Variants in GRID2 observed in about 807,000 individuals in gnomAD.
GRID2 encodes the protein glutamate receptor ionotropic, delta-2.
GRID2 carries 33 observed loss-of-function variants against 114.8 expected under a neutral mutation model. The observed-to-expected ratio is 0.29, with a 90% CI of 0.22 to 0.38. The LOEUF is 0.38. Ranked by LOEUF, GRID2 falls within the 10% of genes least tolerant of loss-of-function variation. The pLI is 1.00. For synonymous variants in GRID2, 505 were observed against 449.9 expected (o/e 1.12, Z -1.55); for missense variants, 1,184 against 1,257.7 (o/e 0.94, Z 0.89).
At chr4:93,344,020 C>A (rs1382197364) in intron 8 of GRID2, among the ~76,000 whole-genome samples, 1 of 151,964 alleles carries the variant, frequency 6.6e-6, no homozygotes, top group African/African-American at 2.4e-5. Flanking sequence ...AGAGCAGTAG[C>A]CATAACATTG....
At chr4:93,594,070 C>G (rs1050520242) in intron 13 of GRID2, among the ~76,000 whole-genome samples, 4 of 152,190 alleles carry the variant, frequency 2.6e-5, no homozygotes, top group Non-Finnish European at 5.9e-5. Flanking sequence ...AAGTCGTTCT[C>G]CGTCCAGCTT....
rs567111034 is a variant in GRID2 at position 93,554,877 on chromosome 4, G to A, written c.2193+39466G>A. Among the ~76,000 whole-genome samples the A allele has an allele frequency of 4.6e-3, 699 of 152,176 alleles. 3 individuals carry two copies. The highest frequency in any genetic ancestry group is 7.5e-3 in the Non-Finnish European group (507 of 68,004). ...TCCCAGCAAAATCAATGCAGAAGGC[G>A]GGTGACTTCTGCATTTCCAACTGAG... is the stretch of plus-strand genomic sequence containing the variant. On this transcript the variant is annotated intron_variant, in intron 13 of 15. Coordinates refer to ENST00000282020, the MANE Select transcript of GRID2 (RefSeq NM_001510.4).
chr4:93,214,493 GT>G (rs1743956949), intron 5 of GRID2, among the ~76,000 whole-genome samples: 1 of 151,966 alleles, frequency 6.6e-6, no homozygotes, highest in South Asian at 2.1e-4. Flanking sequence ...CTGTTAAACT[GT>G]TTTTGAGATC....
intron 1 of GRID2, among the ~76,000 whole-genome samples, chr4:92,574,348 T>C (rs183217877): frequency 6.6e-6 from 1 of 152,196 alleles, no homozygotes; most frequent in African/African-American, 2.4e-5. Context: ...GATGGTATTA[T>C]AACTGGTTAT....
At chr4:93,397,213 C>T (rs1243337300) in intron 9 of GRID2, among the ~76,000 whole-genome samples, 1 of 151,806 alleles carries the variant, frequency 6.6e-6, no homozygotes, top group Non-Finnish European at 1.5e-5. Context: ...TTTTGTGGCC[C>T]ATAAATTATT....
rs528513976 is a variant in GRID2 at position 93,459,621 on chromosome 4, A to G, written c.1858+3647A>G. 8.5e-5 allele frequency among the ~76,000 whole-genome samples: 13 copies of G among 152,302 alleles called. No homozygotes were observed. In the East Asian group the frequency reaches 2.3e-3, roughly 27 times the overall value. ...CCTCTGTTTTCATCTTACTTCTTCCAATTTATTCAGTTTTTCAGTGTATGA... is the reference window on the plus strand; with the variant it reads ...CCTCTGTTTTCATCTTACTTCTTCCGATTTATTCAGTTTTTCAGTGTATGA... On this transcript the variant is annotated intron_variant, in intron 11 of 15. Coordinates refer to ENST00000282020, the MANE Select transcript of GRID2 (RefSeq NM_001510.4).
At chr4:93,622,499 C>G (rs1383177131) in intron 13 of GRID2, among the ~76,000 whole-genome samples, 2 of 152,300 alleles carry the variant, frequency 1.3e-5, no homozygotes, top group East Asian at 1.9e-4. Context: ...ATCTACATTT[C>G]TAACACAAAA....
chr4:93,272,618 C>T (rs1465461513), intron 8 of GRID2, among the ~76,000 whole-genome samples: 1 of 152,142 alleles, frequency 6.6e-6, no homozygotes, highest in Non-Finnish European at 1.5e-5. Flanking sequence ...AAGCCATTCA[C>T]GTGCTTTCAC....
rs1402002960 is a variant in GRID2 at position 93,536,848 on chromosome 4, T to G, written c.2193+21437T>G. 2.6e-5 allele frequency among the ~76,000 whole-genome samples: 4 copies of G among 151,848 alleles called. No individual in the cohort carries two copies. The East Asian group carries it at 7.7e-4, about 29-fold the overall frequency. Reference sequence around the variant, plus strand: ...CAACATAATTCAGTCATGCAAAGTTTTTTGATAAAATTTTGACAGAAATGT... The same window carrying G: ...CAACATAATTCAGTCATGCAAAGTTGTTTGATAAAATTTTGACAGAAATGT... On this transcript the variant is annotated intron_variant, in intron 13 of 15. Transcript: ENST00000282020.
chr4:93,205,282 A>G (rs972193999), intron 4 of GRID2, among the ~76,000 whole-genome samples: 3 of 151,972 alleles, frequency 2.0e-5, no homozygotes, highest in Non-Finnish European at 4.4e-5. Flanking sequence ...ATTAAGTTTC[A>G]CCTATAAGTG....
intron 13 of GRID2, among the ~76,000 whole-genome samples, chr4:93,579,190 A>G (rs181304741): frequency 1.2e-4 from 18 of 152,242 alleles, no homozygotes; most frequent in African/African-American, 3.8e-4. Flanking sequence ...GTGAACTGTC[A>G]GATTTGGAAG....
chr4:92,413,445 T>A (rs905382620), intron 1 of GRID2, among the ~76,000 whole-genome samples: 14 of 152,140 alleles, frequency 9.2e-5, no homozygotes, highest in African/African-American at 3.4e-4. Flanking sequence ...ATTTACACCT[T>A]GAGTTTGAGT....
At chr4:93,419,902 G>A (rs145515367) in intron 9 of GRID2, among the ~76,000 whole-genome samples, 4 of 152,176 alleles carry the variant, frequency 2.6e-5, no homozygotes, top group African/African-American at 9.6e-5. Context: ...ATAGTTTTTA[G>A]CAACATATAC....
chr4:93,297,608 C>A (rs996109548), intron 8 of GRID2, among the ~76,000 whole-genome samples: 10 of 152,044 alleles, frequency 6.6e-5, no homozygotes, highest in African/African-American at 2.4e-4. Flanking sequence ...ATTATTTTAT[C>A]TATCTACTCA....
chr4:93,767,475 A>T (rs1161668409), intron 14 of GRID2, among the ~76,000 whole-genome samples: 1 of 152,200 alleles, frequency 6.6e-6, no homozygotes, highest in African/African-American at 2.4e-5. Context: ...CTCTAGACAG[A>T]TACATTTCAC....
At chr4:93,061,813 TTAGACACTTGGCTACCACATTGAGG>T in intron 2 of GRID2, among the ~76,000 whole-genome samples, 1 of 152,164 alleles carries the variant, frequency 6.6e-6, no homozygotes, top group African/African-American at 2.4e-5. Flanking sequence ...GTATGACTTC[TTAGACACTTGGCTACCACATTGAGG>T]TAGACACTAC....
intron 8 of GRID2, among the ~76,000 whole-genome samples, chr4:93,394,795 C>T (rs910112875): frequency 6.6e-5 from 10 of 152,080 alleles, no homozygotes; most frequent in East Asian, 1.9e-4. Flanking sequence ...TCTCTGTAGC[C>T]TTGTTCTGTA....
intron 1 of GRID2, among the ~76,000 whole-genome samples, chr4:92,361,441 T>G (rs191808617): frequency 2.6e-5 from 4 of 152,130 alleles, no homozygotes; most frequent in African/African-American, 9.6e-5. Flanking sequence ...AGAACAAAAG[T>G]TCTGGAAAGC....
chr4:93,782,234 A>G (rs1290785213), intron 1 of GRID2, among the ~76,000 whole-genome samples: 1 of 152,068 alleles, frequency 6.6e-6, no homozygotes, highest in East Asian at 1.9e-4. Flanking sequence ...ATTTAGACTC[A>G]CTAGAACCAG....
Sources: allele counts gnomAD v4.1 joint callset (sites outside exome capture counted in the v4.1 genomes callset), GRCh38; gene constraint gnomAD v4.1.1; transcripts MANE v1.5; gene names NCBI Gene and HGNC (gene_info 2026-07-23, HGNC 2026-07-21).